MARCHF1: variants seen among roughly 807,000 people sequenced by gnomAD.
MARCHF1 encodes membrane associated ring-CH-type finger 1.
In MARCHF1, 40 loss-of-function variants were observed where a neutral mutation model predicts 54.2. That is an observed-to-expected ratio of 0.74 (90% CI 0.57 to 0.96). The LOEUF is 0.96. Among genes scored for constraint, MARCHF1 ranks in the 40% least tolerant of loss-of-function variants. The pLI, the probability that MARCHF1 is intolerant of heterozygous loss-of-function variation, is 0.00. For missense variants in MARCHF1, 586 were observed against 656.5 expected (o/e 0.89, Z 1.17); for synonymous variants, 236 against 236.3 (o/e 1.00, Z 0.01).
chr4:163,602,140 A>G (rs200226836), intron 7 of MARCHF1, among the ~76,000 whole-genome samples: 2 of 152,202 alleles, frequency 1.3e-5, no homozygotes, highest in East Asian at 3.9e-4. Context: ...ATTTTTATCC[A>G]TTCAAAATAC....
At chr4:163,960,960 A>T (rs1015236369) in intron 3 of MARCHF1, among the ~76,000 whole-genome samples, 2 of 151,832 alleles carry the variant, frequency 1.3e-5, no homozygotes, top group African/African-American at 4.8e-5. Flanking sequence ...CCACCCTGTC[A>T]CTGTGACCTC....
chr4:164,012,108 C>T (rs1049345254), intron 2 of MARCHF1, among the ~76,000 whole-genome samples: 3 of 152,160 alleles, frequency 2.0e-5, no homozygotes, highest in African/African-American at 7.2e-5. Flanking sequence ...ACGAAATTGG[C>T]CTGGGTCCCA....
At chr4:163,625,093 G>A (rs1443897100) in intron 5 of MARCHF1, among the ~76,000 whole-genome samples, 1 of 152,114 alleles carries the variant, frequency 6.6e-6, no homozygotes, top group Non-Finnish European at 1.5e-5. Flanking sequence ...CAGGATTCCA[G>A]CAAAACCTAG....
At chr4:163,719,730 G>A (rs1156806080) in intron 4 of MARCHF1, among the ~76,000 whole-genome samples, 3 of 151,798 alleles carry the variant, frequency 2.0e-5, no homozygotes, top group Non-Finnish European at 4.4e-5. Context: ...ATTCTAACTG[G>A]GGTGAGATGG....
intron 2 of MARCHF1, among the ~76,000 whole-genome samples, chr4:164,097,131 T>C (rs1755433278): frequency 6.6e-6 from 1 of 152,198 alleles, no homozygotes; most frequent in Non-Finnish European, 1.5e-5. Context: ...TAGTATGTAA[T>C]GCAAGTCTCA....
chr4:164,026,133 C>T (rs1753761681), intron 2 of MARCHF1, among the ~76,000 whole-genome samples: 2 of 152,028 alleles, frequency 1.3e-5, no homozygotes, highest in Non-Finnish European at 2.9e-5. Flanking sequence ...AAGATGGATT[C>T]ACAGCCAAAT....
chr4:164,230,702 T>C (rs1241552871), intron 1 of MARCHF1, among the ~76,000 whole-genome samples: 1 of 152,120 alleles, frequency 6.6e-6, no homozygotes, highest in African/African-American at 2.4e-5. Flanking sequence ...GGACTACAAT[T>C]GCTTTAGAGG....
At chr4:164,299,590 T>A (rs925222685) in intron 1 of MARCHF1, among the ~76,000 whole-genome samples, 9 of 152,152 alleles carry the variant, frequency 5.9e-5, no homozygotes, top group African/African-American at 2.2e-4. Flanking sequence ...GCCAAAGCAA[T>A]CCAGTTGAAG....
intron 1 of MARCHF1, among the ~76,000 whole-genome samples, chr4:164,132,823 GTGTA>G (rs1756329165): frequency 6.6e-6 from 1 of 152,038 alleles, no homozygotes; most frequent in South Asian, 2.1e-4. Context: ...ATGTATGTAT[GTGTA>G]TGTATATTTA....
chr4:164,300,424 C>T (rs763104344), intron 1 of MARCHF1, among the ~76,000 whole-genome samples: 1 of 152,094 alleles, frequency 6.6e-6, no homozygotes, highest in Admixed American at 6.5e-5. Flanking sequence ...CATAAAATTC[C>T]AAAACTGAAC....
At chr4:164,116,273 T>C (rs1755937719) in intron 1 of MARCHF1, among the ~76,000 whole-genome samples, 1 of 152,188 alleles carries the variant, frequency 6.6e-6, no homozygotes, top group African/African-American at 2.4e-5. Context: ...CCAAAATATC[T>C]GCTTTTAAAT....
chr4:163,911,624 T>C (rs1361986751), intron 3 of MARCHF1, among the ~76,000 whole-genome samples: 1 of 152,182 alleles, frequency 6.6e-6, no homozygotes, highest in African/African-American at 2.4e-5. Context: ...CCAAAATTCT[T>C]ATGTTGAAGT....
chr4:163,801,402 A>G lies in MARCHF1; in HGVS notation c.111+52619T>C, dbSNP rs561203425. 3.9e-5 allele frequency among the ~76,000 whole-genome samples: 6 copies of G among 152,218 alleles called. No homozygotes were observed. In the East Asian group the frequency reaches 1.2e-3, roughly 29 times the overall value. Reference sequence around the variant, plus strand: ...TTGAAAAAAAAATCCCTAGACACCTATCTACAAGTTTTCTGAAATTCTTTA... The same window carrying G: ...TTGAAAAAAAAATCCCTAGACACCTGTCTACAAGTTTTCTGAAATTCTTTA... On this transcript the variant is annotated intron_variant, in intron 4 of 9. Coordinates refer to ENST00000514618, the MANE Select transcript of MARCHF1 (RefSeq NM_001394959.1).
In MARCHF1 at chr4:163,585,879, C is replaced by T. The variant is rs115487574; in HGVS notation, c.1061G>A (p.Arg354His). 4.2e-4 allele frequency: 682 copies of T among 1,613,454 alleles called. 3 individuals carry two copies. In the African/African-American group the frequency reaches 8.0e-3, roughly 19 times the overall value. The part of the protein sequence containing the change: ...DEESPLITPC[R>H]CTGTLRFVHQ... Reference sequence around the variant, plus strand: ...GACAAAGCGCAGTGTCCCAGTGCAGCGACAGGGTGTGATGAGGGGGCTCTC... The same window carrying T: ...GACAAAGCGCAGTGTCCCAGTGCAGTGACAGGGTGTGATGAGGGGGCTCTC... Residue 354 changes from arginine to histidine, a missense_variant, in exon 8 of 10, where the codon CGC becomes CAC. Transcript: ENST00000514618.
At chr4:163,726,192 G>A (rs1368971948) in intron 4 of MARCHF1, among the ~76,000 whole-genome samples, 1 of 152,116 alleles carries the variant, frequency 6.6e-6, no homozygotes, top group Non-Finnish European at 1.5e-5. Flanking sequence ...TTTGACAAAT[G>A]TATGATAACA....
At chr4:163,689,654 T>C (rs900548706) in intron 5 of MARCHF1, among the ~76,000 whole-genome samples, 1 of 131,606 alleles carries the variant, frequency 7.6e-6, no homozygotes, top group African/African-American at 3.2e-5. Context: ...CCTGCGTGGA[T>C]TTTTTTTTTT....
At chr4:163,558,120 A>C (rs2110965737) in intron 8 of MARCHF1, among the ~76,000 whole-genome samples, 1 of 152,276 alleles carries the variant, frequency 6.6e-6, no homozygotes, top group African/African-American at 2.4e-5. Flanking sequence ...TGAGTGTCTG[A>C]GCATGAGGTG....
At chr4:164,015,408 A>G (rs1421647310) in intron 2 of MARCHF1, among the ~76,000 whole-genome samples, 6 of 152,184 alleles carry the variant, frequency 3.9e-5, no homozygotes, top group African/African-American at 1.4e-4. Context: ...ACATTTGTTG[A>G]GTAACACCTT....
rs544350225 is a variant in MARCHF1 at position 163,723,546 on chromosome 4, A to G, written c.112-22683T>C. Among the ~76,000 whole-genome samples the G allele has an allele frequency of 1.2e-4, 19 of 152,134 alleles. No homozygotes were observed. The East Asian group carries it at 3.5e-3, about 28-fold the overall frequency. ...GGAGTATCTTTGTGGCGTTCTCTGT[A>G]TTTCCTGAATTTGAATGTTGGCCTG... On this transcript the variant is annotated intron_variant, in intron 4 of 9. Transcript: ENST00000514618.
Sources: gnomAD v4.1 joint callset for allele counts (sites outside exome capture counted in the v4.1 genomes callset) on GRCh38, gnomAD v4.1.1 for gene constraint, MANE v1.5 for transcripts, NCBI Gene and HGNC (gene_info 2026-07-23, HGNC 2026-07-21) for gene names.